Variants in CCDC125 observed in about 807,000 individuals in gnomAD.
The protein encoded by CCDC125 is coiled-coil domain containing 125, also known as coiled-coil domain-containing protein 125.
In CCDC125, 43 loss-of-function variants were observed where a neutral mutation model predicts 57.4. The ratio of observed to expected loss-of-function variants is 0.75; its 90% CI spans 0.59 to 0.97. The LOEUF (loss-of-function observed/expected upper bound fraction) is 0.97. CCDC125 is among the 50% of genes least tolerant of loss of function. CCDC125 has a pLI of 0.00. For missense variants in CCDC125, 563 were observed against 595.7 expected, an observed-to-expected ratio of 0.95 and a Z score of 0.57; for synonymous variants, 187 against 195.2, an observed-to-expected ratio of 0.96 and a Z score of 0.35.
intron 10 of CCDC125, among the ~76,000 whole-genome samples, chr5:69,287,388 C>T (rs1389659856): frequency 2.0e-5 from 3 of 151,958 alleles, no homozygotes; most frequent in African/African-American, 7.2e-5. Context: ...CTCAGCCTCC[C>T]GAGTAGCTGG....
intron 8 of CCDC125, among the ~76,000 whole-genome samples, chr5:69,298,330 C>A (rs781568348): frequency 1.3e-5 from 2 of 152,146 alleles, no homozygotes; most frequent in South Asian, 2.1e-4. Flanking sequence ...GCTGTACTTT[C>A]ACATGGATGA....
At chr5:69,313,053 A>C (rs1758414565) in intron 3 of CCDC125, among the ~76,000 whole-genome samples, 3 of 151,706 alleles carry the variant, frequency 2.0e-5, no homozygotes, top group South Asian at 2.1e-4. Context: ...AGGGGGAGGA[A>C]CAGGTGGGGA....
chr5:69,289,434 T>C (rs1754037019), intron 10 of CCDC125, among the ~76,000 whole-genome samples: 1 of 152,214 alleles, frequency 6.6e-6, no homozygotes, highest in South Asian at 2.1e-4. Flanking sequence ...GCTAAATACA[T>C]GGACCATGTT....
At position 69,287,065 on chromosome 5, in the gene CCDC125, C is replaced by T. The variant is rs139552903; in HGVS notation, c.1100-1598G>A. Among the ~76,000 whole-genome samples, 265 of 151,028 alleles carry T rather than the reference C, an allele frequency of 1.8e-3. 1 individual carries two copies. The highest frequency in any genetic ancestry group is 5.3e-3 in the African/African-American group (217 of 41,200). The stretch of plus-strand genomic sequence containing the variant: ...AAGAAGTATGCCTATAAACTACTTC[C>T]GGAAACTTGTCTAAACTGCCATATC... On this transcript the variant is annotated intron_variant, in intron 10 of 11. Coordinates refer to ENST00000396496, the MANE Select transcript of CCDC125 (RefSeq NM_176816.5).
At chr5:69,331,940 T>C (rs1296693676) in intron 1 of CCDC125, among the ~76,000 whole-genome samples, 2 of 152,256 alleles carry the variant, frequency 1.3e-5, no homozygotes, top group East Asian at 3.8e-4. Context: ...TATTCCCTTA[T>C]GCAGAGACTT....
intron 6 of CCDC125, among the ~76,000 whole-genome samples, chr5:69,305,878 C>T (rs976839703): frequency 3.3e-5 from 5 of 152,274 alleles, no homozygotes; most frequent in East Asian, 1.9e-4. Flanking sequence ...TTCCCACGTT[C>T]GTCTCCCTTT....
Position 69,306,412 on chromosome 5 carries a change from T to C in CCDC125, c.617+405A>G, listed in dbSNP as rs114128033. ...GGCGCAATCATGGCTCACTGCAGCC[T>C]CCAACTCCCAGGCCCAAGTGATCTT... On this transcript the variant is annotated intron_variant, in intron 6 of 11. Coordinates refer to ENST00000396496, the MANE Select transcript of CCDC125 (RefSeq NM_176816.5). Among the ~76,000 whole-genome samples, 464 of 152,260 alleles carry C rather than the reference T, an allele frequency of 3.0e-3. 2 individuals are homozygous for C. Among genetic ancestry groups the C allele is most frequent in the African/African-American group, 0.011 (437 of 41,542 alleles).
At chr5:69,313,714 TG>T in intron 3 of CCDC125, 1 of 769,858 alleles carries the variant, frequency 1.3e-6, no homozygotes, top group Non-Finnish European at 2.4e-6. Flanking sequence ...AGTATCTCCT[TG>T]CCCTCCCCTT....
intron 1 of CCDC125, among the ~76,000 whole-genome samples, chr5:69,332,375 T>C (rs1761523631): frequency 1.3e-5 from 2 of 152,232 alleles, no homozygotes; most frequent in East Asian, 3.8e-4. Flanking sequence ...TTTCCACTAA[T>C]GTCTTTTTCT....
intron 1 of CCDC125, among the ~76,000 whole-genome samples, chr5:69,328,345 A>C (rs1760984591): frequency 6.6e-6 from 1 of 152,202 alleles, no homozygotes; most frequent in African/African-American, 2.4e-5. Flanking sequence ...GAAATAGTTA[A>C]ATCTTGGTTT....
chr5:69,292,075 G>A, intron 10 of CCDC125, 113 bp downstream of exon 10: 3 of 955,836 alleles, frequency 3.1e-6, no homozygotes, highest in Non-Finnish European at 4.7e-6. Flanking sequence ...ACAACCATAT[G>A]TGAAGTTTCA....
chr5:69,295,095 C>T lies in CCDC125; in HGVS notation c.817-195G>A, dbSNP rs376620828. Among the ~76,000 whole-genome samples the T allele has an allele frequency of 5.2e-4, 79 of 152,266 alleles. 1 individual carries two copies. The highest frequency in any genetic ancestry group is 1.7e-3 in the African/African-American group (72 of 41,560). The stretch of plus-strand genomic sequence containing the variant: ...AATACAAATAGAAATTAACTACAAA[C>T]GACAAAAAGAATGTCATGACTTGGA... On this transcript the variant is annotated intron_variant, in intron 8 of 11. Coordinates refer to ENST00000396496, the MANE Select transcript of CCDC125 (RefSeq NM_176816.5).
chr5:69,326,592 G>A (rs1332531472), intron 1 of CCDC125, among the ~76,000 whole-genome samples: 4 of 152,120 alleles, frequency 2.6e-5, no homozygotes, highest in Admixed American at 2.6e-4. Flanking sequence ...AGGGGGAAAA[G>A]CTGTAAAAGG....
intron 10 of CCDC125, 92 bp downstream of exon 10, chr5:69,292,096 C>A: frequency 8.9e-7 from 1 of 1,125,990 alleles, no homozygotes; most frequent in Non-Finnish European, 1.3e-6. Flanking sequence ...ATTATTTTTG[C>A]CCACATTGGA....
chr5:69,294,773 C>A lies in CCDC125; in HGVS notation c.924+20G>T. The A allele has an allele frequency of 6.5e-7, 1 of 1,538,990 alleles. No homozygotes were observed. The highest frequency in any genetic ancestry group is 8.9e-7 in the Non-Finnish European group (1 of 1,119,926). ...CAGAGAAACAAAACTAAAGCTTTTG[C>A]TGTTGTGATAACGCAATACCTCTTG... On this transcript the variant is annotated intron_variant, in intron 9 of 11. Coordinates refer to ENST00000396496, the MANE Select transcript of CCDC125 (RefSeq NM_176816.5).
Position 69,324,840 on chromosome 5 carries a change from C to T in CCDC125, c.-40-4260G>A, listed in dbSNP as rs1487381916. Among the ~76,000 whole-genome samples the T allele has an allele frequency of 2.0e-5, 3 of 151,906 alleles. No homozygotes were observed. In the East Asian group the frequency reaches 5.8e-4, roughly 29 times the overall value. On this transcript the variant is annotated intron_variant, in intron 1 of 11. Coordinates refer to ENST00000396496, the MANE Select transcript of CCDC125 (RefSeq NM_176816.5). ...CCAGCCTGGGCAACATAGCGAGATC[C>T]CCATCACTAATTAAAACAATAAATA... is the stretch of plus-strand genomic sequence containing the variant.
intron 10 of CCDC125, among the ~76,000 whole-genome samples, chr5:69,288,415 G>A (rs1753856023): frequency 6.6e-6 from 1 of 152,180 alleles, no homozygotes; most frequent in African/African-American, 2.4e-5. Context: ...GGCCAGTGAT[G>A]TACCGTGTCC....
intron 11 of CCDC125, 39 bp downstream of exon 11, chr5:69,285,298 G>A: frequency 6.2e-7 from 1 of 1,605,292 alleles, no homozygotes; most frequent in East Asian, 2.2e-5. Flanking sequence ...GACAAGCTTG[G>A]CTTAACCATA....
At chr5:69,327,226 T>G (rs956161063) in intron 1 of CCDC125, among the ~76,000 whole-genome samples, 1 of 151,506 alleles carries the variant, frequency 6.6e-6, no homozygotes, top group Non-Finnish European at 1.5e-5. Flanking sequence ...TCCTGAGCGG[T>G]TGGGACTACA....
Sources: gnomAD v4.1 joint callset for allele counts (sites outside exome capture counted in the v4.1 genomes callset) on GRCh38, gnomAD v4.1.1 for gene constraint, MANE v1.5 for transcripts, NCBI Gene and HGNC (gene_info 2026-07-23, HGNC 2026-07-21) for gene names.